Variants in DSCAM observed in about 807,000 individuals in gnomAD.
DSCAM encodes the protein cell adhesion molecule DSCAM.
A neutral mutation model predicts 217.7 loss-of-function variants in DSCAM; 47 were observed. The observed-to-expected ratio is 0.22, with a 90% CI of 0.17 to 0.28. The LOEUF (loss-of-function observed/expected upper bound fraction) is 0.28, where lower values mean the gene tolerates loss of function less well. Among genes scored for constraint, DSCAM ranks in the 10% least tolerant of loss-of-function variants. The pLI is 1.00. For synonymous variants in DSCAM, 1,056 were observed against 1,015.3 expected (o/e 1.04, Z -0.76); for missense variants, 2,080 against 2,618.3 (o/e 0.79, Z 4.49).
chr21:40,665,684 C>T (rs1420625180), intron 3 of DSCAM, among the ~76,000 whole-genome samples: 1 of 152,192 alleles, frequency 6.6e-6, no homozygotes, highest in Non-Finnish European at 1.5e-5. Flanking sequence ...GGCCCATGAG[C>T]ACAGACACAG....
intron 1 of DSCAM, among the ~76,000 whole-genome samples, chr21:40,783,474 T>C (rs2091565924): frequency 6.6e-6 from 1 of 152,184 alleles, no homozygotes; most frequent in Admixed American, 6.5e-5. Flanking sequence ...TGCATACATG[T>C]ATGTGTGTCA....
At chr21:40,346,511 A>G (rs1199739227) in intron 6 of DSCAM, among the ~76,000 whole-genome samples, 1 of 152,246 alleles carries the variant, frequency 6.6e-6, no homozygotes, top group Non-Finnish European at 1.5e-5. Flanking sequence ...ATCAATTGAT[A>G]TCAGATGAAT....
At position 40,608,224 on chromosome 21, in the gene DSCAM, T is replaced by C. The variant is rs186707391; in HGVS notation, c.508+84586A>G. On this transcript the variant is annotated intron_variant, in intron 3 of 32. Coordinates refer to ENST00000400454, the MANE Select transcript of DSCAM (RefSeq NM_001389.5). ...CGTGATGACATCACATCTCATTCTA[T>C]TTCATGGCTACAATTTTGAAATGCC... Among the ~76,000 whole-genome samples, 4 of 152,374 alleles carry C rather than the reference T, an allele frequency of 2.6e-5. No individual in the cohort carries two copies. The East Asian group carries it at 7.7e-4, about 29-fold the overall frequency.
At chr21:40,510,539 T>C (rs992814264) in intron 3 of DSCAM, among the ~76,000 whole-genome samples, 3 of 152,236 alleles carry the variant, frequency 2.0e-5, no homozygotes, top group Admixed American at 6.5e-5. Flanking sequence ...ATGTGAAGAT[T>C]GACTCAGGAA....
chr21:40,293,289 G>C (rs1253721499), intron 10 of DSCAM, among the ~76,000 whole-genome samples: 4 of 152,156 alleles, frequency 2.6e-5, no homozygotes, highest in African/African-American at 9.7e-5. Context: ...AGTCGTGTGG[G>C]AGGGGCAGCC....
chr21:40,544,662 C>CTT (rs2076567469), intron 3 of DSCAM, among the ~76,000 whole-genome samples: 1 of 152,162 alleles, frequency 6.6e-6, no homozygotes, highest in South Asian at 2.1e-4. Context: ...CTGCTGACAC[C>CTT]TTGATTTTGA....
At chr21:40,421,503 C>T (rs2075423650) in intron 3 of DSCAM, among the ~76,000 whole-genome samples, 1 of 152,196 alleles carries the variant, frequency 6.6e-6, no homozygotes, top group Admixed American at 6.5e-5. Context: ...GTGTGGGACA[C>T]TAGGCTAGAA....
At chr21:40,039,407 T>C (rs2088700570) in intron 32 of DSCAM, among the ~76,000 whole-genome samples, 1 of 152,060 alleles carries the variant, frequency 6.6e-6, no homozygotes, top group African/African-American at 2.4e-5. Flanking sequence ...CTATAATTTC[T>C]ATTAATTGAA....
chr21:40,465,017 G>A (rs1390493242), intron 3 of DSCAM, among the ~76,000 whole-genome samples: 1 of 152,042 alleles, frequency 6.6e-6, no homozygotes. Flanking sequence ...GGGATTACAG[G>A]TGTGAGCCAC....
In DSCAM at chr21:40,144,531, C is replaced by T. The variant is rs1424003202; in HGVS notation, c.3219G>A (p.Gly1073=). Residue 1073 remains glycine, a synonymous_variant, in exon 17 of 33, where the codon GGG becomes GGA. Coordinates refer to ENST00000400454, the MANE Select transcript of DSCAM (RefSeq NM_001389.5). This position sits in a 1 kb window ranked among gnomAD's most constrained non-coding sequence, Gnocchi z 4.8. ...TGGTGATGATTTCCTGAGAAGAAGG[C>T]CCCGTGCCGGCCCGGTTACAGGCCT... ...VVQACNRAGT[G]PSSQEIITTT... is the part of the protein sequence containing the mutation. 2.5e-6 allele frequency: 4 copies of T among 1,614,220 alleles called. No individual in the cohort carries two copies. Among genetic ancestry groups the T allele is most frequent in the Non-Finnish European group, 2.5e-6 (3 of 1,180,046 alleles).
chr21:40,470,172 T>C (rs1273605334), intron 3 of DSCAM, among the ~76,000 whole-genome samples: 2 of 152,238 alleles, frequency 1.3e-5, no homozygotes, highest in African/African-American at 4.8e-5. Flanking sequence ...TTATTTCAAG[T>C]TTGGATGCAA....
chr21:40,751,549 T>C (rs1318845457), intron 1 of DSCAM, among the ~76,000 whole-genome samples: 2 of 152,330 alleles, frequency 1.3e-5, no homozygotes, highest in East Asian at 3.9e-4. Context: ...CCAGAAGAAC[T>C]CTTCCTCTGT....
At chr21:40,527,429 T>C (rs939939326) in intron 3 of DSCAM, among the ~76,000 whole-genome samples, 6 of 152,172 alleles carry the variant, frequency 3.9e-5, no homozygotes, top group Non-Finnish European at 8.8e-5. Flanking sequence ...CTCTGAAACC[T>C]ACTGAGCTAC....
chr21:40,405,516 C>T (rs1401991836), intron 3 of DSCAM, among the ~76,000 whole-genome samples: 2 of 152,110 alleles, frequency 1.3e-5, no homozygotes, highest in Admixed American at 6.5e-5. Context: ...TGATATCAAA[C>T]TAAAAAGCTT....
At chr21:40,582,699 G>T (rs1317979884) in intron 3 of DSCAM, among the ~76,000 whole-genome samples, 1 of 151,440 alleles carries the variant, frequency 6.6e-6, no homozygotes, top group Non-Finnish European at 1.5e-5. Context: ...ATGAGCTCTG[G>T]TTAGAGAGCA....
chr21:40,328,468 T>C (rs2074341447), intron 8 of DSCAM, among the ~76,000 whole-genome samples: 1 of 152,124 alleles, frequency 6.6e-6, no homozygotes, highest in African/African-American at 2.4e-5. Context: ...TCTAATGCCA[T>C]ATACACAATT....
At chr21:40,110,423 C>G (rs1184835068) in intron 20 of DSCAM, among the ~76,000 whole-genome samples, 1 of 152,138 alleles carries the variant, frequency 6.6e-6, no homozygotes, top group African/African-American at 2.4e-5. Context: ...TGTACGTCAC[C>G]ATCATCAAAG....
At chr21:40,506,825 A>G (rs1157200117) in intron 3 of DSCAM, among the ~76,000 whole-genome samples, 1 of 152,242 alleles carries the variant, frequency 6.6e-6, no homozygotes, top group Non-Finnish European at 1.5e-5. Context: ...TTACCAAAAT[A>G]TCAACTTTAA....
intron 3 of DSCAM, among the ~76,000 whole-genome samples, chr21:40,544,430 A>C (rs932877639): frequency 1.3e-5 from 2 of 152,210 alleles, no homozygotes; most frequent in South Asian, 2.1e-4. Context: ...TTCAGATGAA[A>C]TCATCCTGAA....
Sources: gnomAD v4.1 joint callset for allele counts (sites outside exome capture counted in the v4.1 genomes callset) on GRCh38, gnomAD v4.1.1 for gene constraint, Gnocchi (gnomAD v3.1) non-coding constraint, MANE v1.5 for transcripts, NCBI Gene and HGNC (gene_info 2026-07-23, HGNC 2026-07-21) for gene names.